The following LIPC variants were observed in gnomAD, a reference collection of about 807,000 sequenced individuals.
LIPC encodes lipase C, hepatic type.
Under a neutral mutation model 50.7 loss-of-function variants are expected in LIPC, and 44 were observed. That is an observed-to-expected ratio of 0.87 (90% CI 0.68 to 1.11). The LOEUF (loss-of-function observed/expected upper bound fraction) is 1.11. LIPC is among the 50% of genes most tolerant of loss of function. The probability of loss-of-function intolerance (pLI) is 0.00; values close to 1 mark genes in which losing one functional copy is unlikely to be tolerated. For missense variants in LIPC, 697 were observed against 648.2 expected (o/e 1.08, Z -0.82); for synonymous variants, 271 against 256.4 (o/e 1.06, Z -0.54).
At chr15:58,480,481 G>A (rs1403244190) in intron 1 of LIPC, among the ~76,000 whole-genome samples, 9 of 152,132 alleles carry the variant, frequency 5.9e-5, no homozygotes, top group Non-Finnish European at 1.3e-4. Flanking sequence ...TTTTAGTAGA[G>A]ATGAGGTTTC....
At chr15:58,516,813 GT>G (rs1445553288) in intron 1 of LIPC, among the ~76,000 whole-genome samples, 1 of 152,062 alleles carries the variant, frequency 6.6e-6, no homozygotes, top group East Asian at 1.9e-4. Flanking sequence ...TTCTAGGTTG[GT>G]TTTGATTGAT....
At chr15:58,449,064 G>C (rs778218763) in intron 1 of LIPC, among the ~76,000 whole-genome samples, 1 of 152,114 alleles carries the variant, frequency 6.6e-6, no homozygotes. Flanking sequence ...GACGGGCAGT[G>C]GGGGCTCAAA....
chr15:58,532,748 T>G (rs1275509042), intron 1 of LIPC, among the ~76,000 whole-genome samples: 1 of 152,128 alleles, frequency 6.6e-6, no homozygotes, highest in Admixed American at 6.5e-5. Context: ...AATCCCTGGT[T>G]CTCTCCCATG....
intron 1 of LIPC, among the ~76,000 whole-genome samples, chr15:58,495,095 G>C (rs188227691): frequency 6.6e-6 from 1 of 152,112 alleles, no homozygotes; most frequent in African/African-American, 2.4e-5. Flanking sequence ...TCTCACCAGG[G>C]AATCTCTCTT....
At chr15:58,437,455 G>A (rs143101502) in intron 1 of LIPC, among the ~76,000 whole-genome samples, 4 of 152,118 alleles carry the variant, frequency 2.6e-5, no homozygotes, top group African/African-American at 9.7e-5. Flanking sequence ...GACACATGCT[G>A]TATATTGCTA....
intron 6 of LIPC, among the ~76,000 whole-genome samples, chr15:58,559,748 A>G (rs537340244): frequency 2.6e-5 from 4 of 152,062 alleles, no homozygotes; most frequent in Admixed American, 6.5e-5. Flanking sequence ...ACAAAAGCCA[A>G]TCCTGGTCTG....
At chr15:58,460,691 C>A (rs2099190) in intron 1 of LIPC, among the ~76,000 whole-genome samples, 67,491 of 152,068 alleles carry the variant, frequency 0.44, 15,540 homozygotes, top group South Asian at 0.53. Flanking sequence ...AGAGCTCACA[C>A]AGGTCCATTT....
intron 1 of LIPC, among the ~76,000 whole-genome samples, chr15:58,502,469 T>A (rs557864197): frequency 4.9e-4 from 74 of 151,828 alleles, no homozygotes; most frequent in Non-Finnish European, 9.9e-4. Context: ...TACCGTTGGG[T>A]TGGTTTGCAA....
At chr15:58,558,312 C>A (rs1355744031) in intron 6 of LIPC, among the ~76,000 whole-genome samples, 6 of 152,130 alleles carry the variant, frequency 3.9e-5, no homozygotes, top group African/African-American at 1.4e-4. Context: ...ACCTTGTGAT[C>A]CACCTGCCTC....
At chr15:58,444,538 G>A (rs1191396486) in intron 1 of LIPC, among the ~76,000 whole-genome samples, 1 of 152,148 alleles carries the variant, frequency 6.6e-6, no homozygotes, top group African/African-American at 2.4e-5. Context: ...GAAGTCTGAG[G>A]TCAAGGGGTC....
At chr15:58,469,102 T>TTGTGTGTG (rs56309142) in intron 1 of LIPC, among the ~76,000 whole-genome samples, 6,936 of 140,586 alleles carry the variant, frequency 0.049, 249 homozygotes, top group African/African-American at 0.08. Context: ...AGGGAACATT[T>TTGTGTGTG]TGTGTGTGTG....
intron 1 of LIPC, among the ~76,000 whole-genome samples, chr15:58,502,581 A>G (rs1406282410): frequency 6.6e-6 from 1 of 151,696 alleles, no homozygotes; most frequent in African/African-American, 2.4e-5. Flanking sequence ...TGAGGTCACA[A>G]ATGTCAAAGT....
chr15:58,460,894 G>A (rs1302475120), intron 1 of LIPC, among the ~76,000 whole-genome samples: 1 of 152,182 alleles, frequency 6.6e-6, no homozygotes, highest in Non-Finnish European at 1.5e-5. Flanking sequence ...AGAGGACAAT[G>A]GGCCAGATTG....
chr15:58,555,396 G>C (rs943326554), intron 6 of LIPC, among the ~76,000 whole-genome samples: 10 of 152,180 alleles, frequency 6.6e-5, no homozygotes, highest in Admixed American at 2.6e-4. Context: ...ATTAGAAGCA[G>C]GTGTTGAACC....
At chr15:58,474,353 C>CA (rs1271017199) in intron 1 of LIPC, among the ~76,000 whole-genome samples, 12 of 151,968 alleles carry the variant, frequency 7.9e-5, no homozygotes, top group East Asian at 5.8e-4. Context: ...CCCATCTCCA[C>CA]AAAAAAATAC....
intron 1 of LIPC, chr15:58,454,371 C>A (rs1595862300): frequency 6.6e-6 from 1 of 152,354 alleles, no homozygotes; most frequent in African/African-American, 2.4e-5. Context: ...TCCCCTGGAA[C>A]CCCTTTGGCT....
At chr15:58,505,282 C>T (rs1261141280) in intron 1 of LIPC, among the ~76,000 whole-genome samples, 8 of 152,238 alleles carry the variant, frequency 5.3e-5, no homozygotes, top group African/African-American at 1.4e-4. Context: ...GTCCCAGCCC[C>T]CCTACTCACC....
chr15:58,463,043 C>T (rs1181366611), intron 1 of LIPC, among the ~76,000 whole-genome samples: 1 of 152,264 alleles, frequency 6.6e-6, no homozygotes, highest in Non-Finnish European at 1.5e-5. Context: ...AATCTCTTCT[C>T]TCCCAGCGTG....
chr15:58,438,072 A>G (rs536370049), intron 1 of LIPC, among the ~76,000 whole-genome samples: 1 of 152,266 alleles, frequency 6.6e-6, no homozygotes, highest in South Asian at 2.1e-4. Flanking sequence ...GGGGTCTGTA[A>G]GCTGACCCGA....
Sources: allele counts gnomAD v4.1 joint callset (sites outside exome capture counted in the v4.1 genomes callset), GRCh38; gene constraint gnomAD v4.1.1; transcripts MANE v1.5; gene names NCBI Gene and HGNC (gene_info 2026-07-23, HGNC 2026-07-21).